The following PCDHA3 variants were observed in gnomAD, a reference collection of about 807,000 sequenced individuals.
PCDHA3 encodes the protein protocadherin alpha 3.
A neutral mutation model predicts 62.2 loss-of-function variants in PCDHA3; 41 were observed. The ratio of observed to expected loss-of-function variants is 0.66; its 90% CI spans 0.51 to 0.86. The LOEUF (loss-of-function observed/expected upper bound fraction) is 0.86. PCDHA3 is among the 40% of genes least tolerant of loss of function. The pLI is 0.00. For missense variants in PCDHA3, 1,304 were observed against 1,241.2 expected, an observed-to-expected ratio of 1.05 and a Z score of -0.76; for synonymous variants, 640 against 555.4, an observed-to-expected ratio of 1.15 and a Z score of -2.14.
At chr5:140,944,060 T>G in intron 1 of PCDHA3, among the ~76,000 whole-genome samples, 1 of 152,204 alleles carries the variant, frequency 6.6e-6, no homozygotes, top group Non-Finnish European at 1.5e-5. Flanking sequence ...ACAAAAAGGT[T>G]TCTTGTTAAA....
At chr5:140,857,933 G>A (rs1554150890) in intron 1 of PCDHA3, 2 of 1,597,790 alleles carry the variant, frequency 1.3e-6, no homozygotes, top group Admixed American at 1.7e-5. Context: ...GTACACGGGC[G>A]AGATCAGTAC....
chr5:140,856,813 G>T (rs150906180), intron 1 of PCDHA3: 1 of 1,594,284 alleles, frequency 6.3e-7, no homozygotes, highest in East Asian at 2.2e-5. Context: ...AAAATCAAGT[G>T]AACCAAACAT....
chr5:140,841,059 A>G, intron 1 of PCDHA3: 1 of 449,736 alleles, frequency 2.2e-6, no homozygotes, highest in Non-Finnish European at 3.9e-6. Context: ...CTATTAAATT[A>G]TGATAAAGAA....
intron 1 of PCDHA3, among the ~76,000 whole-genome samples, chr5:140,838,073 ATATAGTGTGTGTGTGT>A (rs2150282806): frequency 2.4e-4 from 30 of 126,834 alleles, no homozygotes; most frequent in Admixed American, 8.6e-4. Flanking sequence ...AGTTATATAT[ATATAGTGTGTGTGTGT>A]GTGTGTGTGT....
chr5:140,849,883 T>C lies in PCDHA3; in HGVS notation c.2394+46292T>C, dbSNP rs2150456208. The C allele has an allele frequency of 4.4e-6, 7 of 1,598,290 alleles. No homozygotes were observed. Among genetic ancestry groups the C allele is most frequent in the Non-Finnish European group, 6.0e-6 (7 of 1,167,932 alleles). ...TTCGCGCAGTCCGAGTACACGGTGTTCGTGAAGGAGAACAACCCGCCGGGC... is the reference window on the plus strand; with the variant it reads ...TTCGCGCAGTCCGAGTACACGGTGTCCGTGAAGGAGAACAACCCGCCGGGC... On this transcript the variant is annotated intron_variant, in intron 1 of 3. Transcript: ENST00000522353.
intron 1 of PCDHA3, among the ~76,000 whole-genome samples, chr5:140,943,997 T>C (rs1387803558): frequency 2.0e-5 from 3 of 152,178 alleles, no homozygotes; most frequent in African/African-American, 7.2e-5. Flanking sequence ...ACAGAACTAC[T>C]GAGTACCCCC....
At chr5:140,918,848 G>T (rs2078891260) in intron 1 of PCDHA3, among the ~76,000 whole-genome samples, 1 of 152,134 alleles carries the variant, frequency 6.6e-6, no homozygotes, top group Admixed American at 6.5e-5. Flanking sequence ...TAAATCTGCT[G>T]GTGCCTGAAT....
chr5:141,010,255 C>T lies in PCDHA3; in HGVS notation c.*318C>T. The T allele has an allele frequency of 6.4e-7, 1 of 1,551,816 alleles. No homozygotes were observed. Among genetic ancestry groups the T allele is most frequent in the Non-Finnish European group, 8.7e-7 (1 of 1,147,020 alleles). ...CCAGTGAGAGGTTGGACTCTCTGCC[C>T]TGTGCTCCGGGGATCCTGTCTTGAT... is the stretch of plus-strand genomic sequence containing the variant. On this transcript the variant is annotated 3_prime_UTR_variant, in exon 4 of 4. Coordinates refer to ENST00000522353, the MANE Select transcript of PCDHA3 (RefSeq NM_018906.3).
chr5:140,887,654 G>A (rs2061529435), intron 1 of PCDHA3, among the ~76,000 whole-genome samples: 1 of 151,712 alleles, frequency 6.6e-6, no homozygotes, highest in South Asian at 2.1e-4. Context: ...TGATATTCTT[G>A]GATCTGTGGA....
rs782141581 is a variant in PCDHA3 at position 140,857,357 on chromosome 5, A to G, written c.2394+53766A>G. On this transcript the variant is annotated intron_variant, in intron 1 of 3. Coordinates refer to ENST00000522353, the MANE Select transcript of PCDHA3 (RefSeq NM_018906.3). ...CGGGGGCTCGCCTCCGCTGTGGGCC[A>G]CGGCCAGCGTGTCTGTGGAGGTGGC... 29 of 1,598,430 alleles carry G rather than the reference A, an allele frequency of 1.8e-5. 3 individuals are homozygous for G. Among genetic ancestry groups the G allele is most frequent in the Non-Finnish European group, 2.5e-5 (29 of 1,167,908 alleles).
intron 3 of PCDHA3, among the ~76,000 whole-genome samples, chr5:141,003,237 T>G (rs1357530548): frequency 6.6e-6 from 1 of 152,228 alleles, no homozygotes; most frequent in Non-Finnish European, 1.5e-5. Flanking sequence ...CTGGAAATTT[T>G]GCCAAAAAGA....
At position 140,910,081 on chromosome 5, in the gene PCDHA3, A is replaced by G. The variant is rs183187398; in HGVS notation, c.2395-68868A>G. 2.8e-3 allele frequency among the ~76,000 whole-genome samples: 421 copies of G among 152,330 alleles called. 2 individuals are homozygous for G. Among genetic ancestry groups the G allele is most frequent in the Middle Eastern group, 0.014 (4 of 294 alleles). On this transcript the variant is annotated intron_variant, in intron 1 of 3. Coordinates refer to ENST00000522353, the MANE Select transcript of PCDHA3 (RefSeq NM_018906.3). Reference sequence around the variant, plus strand: ...CTTTTAACAGCGTAAATTGTTGTCAAGGGGAACCAGCCTCCCCTTCATTTA... The same window carrying G: ...CTTTTAACAGCGTAAATTGTTGTCAGGGGGAACCAGCCTCCCCTTCATTTA...
At chr5:140,902,206 T>TC (rs2069239214) in intron 1 of PCDHA3, among the ~76,000 whole-genome samples, 1 of 145,724 alleles carries the variant, frequency 6.9e-6, no homozygotes, top group South Asian at 2.1e-4. Flanking sequence ...TCTCTTTCTT[T>TC]TTTTTTTTTT....
chr5:140,865,077 A>G (rs2048727264), intron 1 of PCDHA3: 1 of 152,246 alleles, frequency 6.6e-6, no homozygotes, highest in Non-Finnish European at 1.5e-5. Flanking sequence ...TATAAGAACC[A>G]TGGGATATTA....
At chr5:140,807,978 T>A in intron 1 of PCDHA3, 4 of 1,613,852 alleles carry the variant, frequency 2.5e-6, no homozygotes, top group Non-Finnish European at 3.4e-6. Context: ...GTAATTAAAC[T>A]TAACGCCTCA....
At chr5:140,928,082 T>A (rs1387313022) in intron 1 of PCDHA3, 4 of 1,614,094 alleles carry the variant, frequency 2.5e-6, no homozygotes, top group Admixed American at 3.3e-5. Context: ...TACTACAGCC[T>A]GCTGATTGAT....
rs1414932633 is a variant in PCDHA3, at chr5:140,809,074, C to A, written c.2394+5483C>A. Reference sequence around the variant, plus strand: ...CGTTCCGCGTGGGGCTGTACACTGGCGAGATCAGCACAACGCGTGCCCTGG... The same window carrying A: ...CGTTCCGCGTGGGGCTGTACACTGGAGAGATCAGCACAACGCGTGCCCTGG... On this transcript the variant is annotated intron_variant, in intron 1 of 3. Transcript: ENST00000522353. 9 of 1,613,792 alleles carry A rather than the reference C, an allele frequency of 5.6e-6. No homozygotes were observed. The African/African-American group carries it at 1.2e-4, about 22-fold the overall frequency.
chr5:140,807,043 C>T (rs1763834966), intron 1 of PCDHA3: 2 of 988,186 alleles, frequency 2.0e-6, no homozygotes, highest in African/African-American at 3.2e-5. Flanking sequence ...AGGGAAAATT[C>T]CTTCTATTCT....
intron 1 of PCDHA3, chr5:140,927,070 A>G (rs1697871410): frequency 1.9e-6 from 3 of 1,610,816 alleles, no homozygotes; most frequent in Non-Finnish European, 2.5e-6. Context: ...CTTCCTTTCC[A>G]GCCACCGCGA....
Sources: allele counts gnomAD v4.1 joint callset (sites outside exome capture counted in the v4.1 genomes callset), GRCh38; gene constraint gnomAD v4.1.1; transcripts MANE v1.5; gene names NCBI Gene and HGNC (gene_info 2026-07-23, HGNC 2026-07-21).